TASP1: variants seen among roughly 807,000 people sequenced by gnomAD.
The protein encoded by TASP1 is taspase 1.
TASP1 carries 16 observed loss-of-function variants against 56.6 expected under a neutral mutation model. The ratio of observed to expected loss-of-function variants is 0.28; its 90% CI spans 0.19 to 0.43. The LOEUF (loss-of-function observed/expected upper bound fraction) is 0.43, where lower values mean the gene tolerates loss of function less well. TASP1 is among the 20% of genes least tolerant of loss of function. TASP1 has a pLI of 1.00. For synonymous variants in TASP1, 179 were observed against 184.2 expected (o/e 0.97, Z 0.23); for missense variants, 393 against 511.6 (o/e 0.77, Z 2.24).
At chr20:13,510,853 C>A (rs1029062118) in intron 10 of TASP1, among the ~76,000 whole-genome samples, 1 of 152,130 alleles carries the variant, frequency 6.6e-6, no homozygotes, top group African/African-American at 2.4e-5. Flanking sequence ...TTATTATTAT[C>A]TCTTTTAGTT....
chr20:13,483,874 C>T (rs1215750975), intron 10 of TASP1, among the ~76,000 whole-genome samples: 1 of 152,048 alleles, frequency 6.6e-6, no homozygotes, highest in Admixed American at 6.5e-5. Flanking sequence ...AACAGGCAAC[C>T]TACAGAATGG....
At chr20:13,427,519 T>C (rs1336791279) in intron 12 of TASP1, among the ~76,000 whole-genome samples, 3 of 152,166 alleles carry the variant, frequency 2.0e-5, no homozygotes, top group Admixed American at 2.0e-4. Context: ...ATACCATTTA[T>C]ATAAAGTTTA....
chr20:13,146,087 A>G, the TASP1 span, among the ~76,000 whole-genome samples: 3 of 152,236 alleles, frequency 2.0e-5, no homozygotes, highest in African/African-American at 7.2e-5. Flanking sequence ...ATGGAATACT[A>G]TGCAGCCATA....
chr20:13,498,331 T>TTGTGTGTGTGTGTG (rs60099056), intron 10 of TASP1, among the ~76,000 whole-genome samples: 37 of 135,010 alleles, frequency 2.7e-4, no homozygotes, highest in Non-Finnish European at 4.5e-4. Flanking sequence ...TTCTTTTCTT[T>TTGTGTGTGTGTGTG]TGTGTGTGTG....
At chr20:13,430,874 T>C (rs1238789793) in intron 12 of TASP1, among the ~76,000 whole-genome samples, 1 of 152,194 alleles carries the variant, frequency 6.6e-6, no homozygotes, top group Non-Finnish European at 1.5e-5. Context: ...TTGAGTCATA[T>C]CACCTTGGAA....
At chr20:13,134,907 A>G in the TASP1 span, among the ~76,000 whole-genome samples, 6 of 152,360 alleles carry the variant, frequency 3.9e-5, no homozygotes, top group South Asian at 4.1e-4. Flanking sequence ...AGTTACTACT[A>G]GCACCTTGCC....
chr20:13,143,460 T>C, the TASP1 span, among the ~76,000 whole-genome samples: 8 of 152,244 alleles, frequency 5.3e-5, no homozygotes, highest in Non-Finnish European at 1.2e-4. Flanking sequence ...ATCCTTGTCA[T>C]GATTCCCATT....
chr20:13,338,069 A>T, the TASP1 span, among the ~76,000 whole-genome samples: 1 of 152,170 alleles, frequency 6.6e-6, no homozygotes, highest in African/African-American at 2.4e-5. Flanking sequence ...AAGTAAAGGA[A>T]TAAAAGAATG....
chr20:13,603,523 C>T (rs2048037180), intron 4 of TASP1, among the ~76,000 whole-genome samples: 1 of 151,972 alleles, frequency 6.6e-6, no homozygotes, highest in African/African-American at 2.4e-5. Flanking sequence ...GCTTGGGAAA[C>T]ACAACAAGAT....
intron 6 of TASP1, among the ~76,000 whole-genome samples, chr20:13,576,346 A>AAAGGAAGAAAGG (rs1238239966): frequency 1.4e-3 from 89 of 63,314 alleles, no homozygotes; most frequent in African/African-American, 3.0e-3. Context: ...AGAAAGGAAG[A>AAAGGAAGAAAGG]AAGAAAGAAA....
the TASP1 span, among the ~76,000 whole-genome samples, chr20:13,212,367 T>G: frequency 6.6e-6 from 1 of 152,142 alleles, no homozygotes; most frequent in Non-Finnish European, 1.5e-5. Context: ...AAAAGCAAAC[T>G]TTTATTATGC....
chr20:13,512,890 T>A (rs1278971530), intron 10 of TASP1, among the ~76,000 whole-genome samples: 1 of 152,204 alleles, frequency 6.6e-6, no homozygotes, highest in Non-Finnish European at 1.5e-5. Flanking sequence ...TTTGTCAGGT[T>A]TGTCAAAGAT....
intron 6 of TASP1, among the ~76,000 whole-genome samples, chr20:13,579,084 C>T (rs928120354): frequency 1.1e-4 from 16 of 152,238 alleles, no homozygotes; most frequent in African/African-American, 2.9e-4. Context: ...TCTTTTTCTC[C>T]CTACTGGGTA....
chr20:13,465,165 C>T (rs2044204459), intron 11 of TASP1, among the ~76,000 whole-genome samples: 1 of 142,126 alleles, frequency 7.0e-6, no homozygotes, highest in Non-Finnish European at 1.5e-5. Context: ...AGCAAGACCC[C>T]CTTTCTCTCT....
the TASP1 span, among the ~76,000 whole-genome samples, chr20:13,277,335 G>T: frequency 6.6e-6 from 1 of 152,076 alleles, no homozygotes; most frequent in African/African-American, 2.4e-5. Context: ...TACCATAATT[G>T]TGGGCTTGCC....
intron 4 of TASP1, among the ~76,000 whole-genome samples, chr20:13,592,160 A>C (rs2047556771): frequency 6.6e-6 from 1 of 152,130 alleles, no homozygotes; most frequent in Non-Finnish European, 1.5e-5. Context: ...GCACTTTGGG[A>C]GGCCAAGGCA....
At chr20:13,475,615 C>A (rs1223670716) in intron 11 of TASP1, among the ~76,000 whole-genome samples, 1 of 152,090 alleles carries the variant, frequency 6.6e-6, no homozygotes, top group Non-Finnish European at 1.5e-5. Flanking sequence ...CTTTGGTAGG[C>A]CAGGCATGGT....
intron 13 of TASP1, among the ~76,000 whole-genome samples, chr20:13,407,357 C>T (rs1329082575): frequency 1.3e-5 from 2 of 152,134 alleles, no homozygotes; most frequent in Non-Finnish European, 2.9e-5. Context: ...GCTTCTTTTA[C>T]CTAGAATAAT....
At chr20:13,562,920 T>C (rs1368084434) in intron 7 of TASP1, among the ~76,000 whole-genome samples, 1 of 126,674 alleles carries the variant, frequency 7.9e-6, no homozygotes, top group Admixed American at 7.6e-5. Context: ...TATATATGTG[T>C]GTGTGTGTGT....
Sources: gnomAD v4.1 joint callset for allele counts (sites outside exome capture counted in the v4.1 genomes callset) on GRCh38, gnomAD v4.1.1 for gene constraint, MANE v1.5 for transcripts, NCBI Gene and HGNC (gene_info 2026-07-23, HGNC 2026-07-21) for gene names.